The following MMEL1 variants were observed in gnomAD, a reference collection of about 807,000 sequenced individuals.
MMEL1 encodes the protein membrane metallo-endopeptidase-like 1.
A neutral mutation model predicts 117.1 loss-of-function variants in MMEL1; 98 were observed. The ratio of observed to expected loss-of-function variants is 0.84; its 90% CI spans 0.71 to 0.99. The LOEUF is 0.99. Among genes scored for constraint, MMEL1 ranks in the 50% least tolerant of loss-of-function variants. The pLI, the probability that MMEL1 is intolerant of heterozygous loss-of-function variation, is 0.00. For synonymous variants in MMEL1, 390 were observed against 415.1 expected, an observed-to-expected ratio of 0.94 and a Z score of 0.74; for missense variants, 1,014 against 1,049.1, an observed-to-expected ratio of 0.97 and a Z score of 0.46.
intron 6 of MMEL1, among the ~76,000 whole-genome samples, chr1:2,607,340 C>CG (rs913333403): frequency 1.3e-5 from 2 of 152,030 alleles, no homozygotes; most frequent in African/African-American, 2.4e-5. Flanking sequence ...ACATGAGCCC[C>CG]GGGGGACAAA....
chr1:2,598,834 G>A (rs754747933), intron 11 of MMEL1, 44 bp from the exon 12 acceptor site: 12 of 1,459,414 alleles, frequency 8.2e-6, no homozygotes, highest in South Asian at 3.6e-5. Context: ...AGAGAGAGAG[G>A]GAGAAACAGT....
intron 1 of MMEL1, chr1:2,632,618 C>A: frequency 5.4e-6 from 1 of 184,586 alleles, no homozygotes; most frequent in East Asian, 1.4e-4. Flanking sequence ...CTGCGGCTCC[C>A]TGGGGACACT....
In MMEL1 at chr1:2,596,585, C is replaced by T. The variant is rs371381022; in HGVS notation, c.1377G>A (p.Ala459=). The T allele has an allele frequency of 2.7e-5, 43 of 1,611,816 alleles. No individual in the cohort carries two copies. Among genetic ancestry groups the T allele is most frequent in the Non-Finnish European group, 3.0e-5 (35 of 1,179,790 alleles). The change falls in exon 14 of 24, where the codon GCG becomes GCA. Residue 459 remains alanine (A), a synonymous_variant. Transcript: ENST00000378412. Reference sequence around the variant, plus strand: ...CCATGCTCTTGCTGTCTCCAGGGAACGCCTCCCTGACGTAGAGGGAGCCCA... The same window carrying T: ...CCATGCTCTTGCTGTCTCCAGGGAATGCCTCCCTGACGTAGAGGGAGCCCA... ...NAVGSLYVRE[A]FPGDSKSMVR... is the part of the protein sequence containing the mutation.
rs769260060 is a variant in MMEL1 at position 2,591,891 on chromosome 1, G to A, written c.2163+41C>T. On this transcript the variant is annotated intron_variant, in intron 22 of 23. Transcript: ENST00000378412. Reference sequence around the variant, plus strand: ...AGAGTGGGCCCTCCAGAGATGAGTGGGGAAGCATGGGGATGGTGGGACCAG... The same window carrying A: ...AGAGTGGGCCCTCCAGAGATGAGTGAGGAAGCATGGGGATGGTGGGACCAG... The A allele has an allele frequency of 1.9e-6, 3 of 1,582,362 alleles. No individual in the cohort carries two copies. The South Asian group carries it at 3.3e-5, about 18-fold the overall frequency.
chr1:2,611,147 T>A (rs1406780563), intron 4 of MMEL1, 134 bp downstream of exon 4: 8 of 858,800 alleles, frequency 9.3e-6, no homozygotes, highest in Non-Finnish European at 1.4e-5. Context: ...CGAGTCCGAG[T>A]CCGGCCCACC....
intron 11 of MMEL1, among the ~76,000 whole-genome samples, chr1:2,601,614 T>C (rs1332920096): frequency 6.6e-6 from 1 of 152,082 alleles, no homozygotes; most frequent in African/African-American, 2.4e-5. Flanking sequence ...GAAACCCTTA[T>C]GAGAGTAAAA....
At chr1:2,632,819 C>G (rs1374770025) in intron 1 of MMEL1, 47 bp downstream of exon 1, 3 of 980,476 alleles carry the variant, frequency 3.1e-6, no homozygotes, top group Non-Finnish European at 3.6e-6. Context: ...GAGAGGGTTT[C>G]AAGGCCCAGG....
chr1:2,595,931 G>A lies in MMEL1; in HGVS notation c.1500+78C>T, dbSNP rs563754754. 2.0e-5 allele frequency: 26 copies of A among 1,298,280 alleles called. No individual in the cohort carries two copies. The African/African-American group carries it at 2.2e-4, about 11-fold the overall frequency. The allele number at this position is 1,298,280 out of a possible 1,614,324, so 80.4% of individuals were successfully genotyped here. A position where few individuals can be genotyped will look rare whatever the true frequency, so the allele number is the denominator to read the frequency against. ...GGGCTGCCTTCTCCCCGTGGGGACC[G>A]TCAGGAGGCTTTGTCGGGGCGGTGC... On this transcript the variant is annotated intron_variant, in intron 15 of 23. Coordinates refer to ENST00000378412, the MANE Select transcript of MMEL1 (RefSeq NM_033467.4). The surrounding 1 kb of genome is among the most constrained non-coding windows in gnomAD (Gnocchi z 4.8).
chr1:2,617,194 G>A (rs1397128866), intron 2 of MMEL1, among the ~76,000 whole-genome samples: 1 of 151,942 alleles, frequency 6.6e-6, no homozygotes, highest in Non-Finnish European at 1.5e-5. Context: ...TTGGGAGGCC[G>A]AGGCGGGCGG....
Position 2,594,384 on chromosome 1 carries a change from C to T in MMEL1, c.1747+1G>A. The T allele has an allele frequency of 2.6e-6, 4 of 1,551,878 alleles. No homozygotes were observed. The highest frequency in any genetic ancestry group is 2.6e-6 in the Non-Finnish European group (3 of 1,147,014). ...GCAGGCAGGGAGGGGGAGGAACTTA[C>T]CAATCTGGTTTCGGTTTGGGGAGTA... On this transcript the variant is annotated splice_donor_variant, in intron 18 of 23. Coordinates refer to ENST00000378412, the MANE Select transcript of MMEL1 (RefSeq NM_033467.4). LOFTEE classifies it high-confidence loss of function.
chr1:2,603,465 G>T (rs1373126884), intron 11 of MMEL1, among the ~76,000 whole-genome samples: 3 of 152,188 alleles, frequency 2.0e-5, no homozygotes, highest in Admixed American at 2.0e-4. Context: ...TGAGGGTGTG[G>T]CCAGGGGGAA....
intron 2 of MMEL1, among the ~76,000 whole-genome samples, chr1:2,623,982 T>C (rs1042635765): frequency 2.0e-5 from 3 of 152,034 alleles, no homozygotes; most frequent in Non-Finnish European, 2.9e-5. Flanking sequence ...CATCAAGCAG[T>C]CTCCTGCCTC....
chr1:2,611,181 T>TGA, intron 4 of MMEL1, 100 bp downstream of exon 4: 1 of 1,212,666 alleles, frequency 8.2e-7, no homozygotes, highest in East Asian at 2.8e-5. Context: ...CGCCGTGTCT[T>TGA]GGAGTTGCTT....
chr1:2,618,786 G>A (rs865779427), intron 2 of MMEL1, among the ~76,000 whole-genome samples: 1 of 152,158 alleles, frequency 6.6e-6, no homozygotes, highest in Non-Finnish European at 1.5e-5. Flanking sequence ...ATTTGAATAT[G>A]TATTTACATT....
intron 11 of MMEL1, among the ~76,000 whole-genome samples, chr1:2,601,479 G>C (rs1382188385): frequency 1.3e-5 from 2 of 152,132 alleles, no homozygotes; most frequent in Non-Finnish European, 2.9e-5. Context: ...GTAGACCTAA[G>C]CAAACCTGAG....
Position 2,597,513 on chromosome 1 carries a change from G to A in MMEL1, c.1272+694C>T, listed in dbSNP as rs550610098. 1.7e-3 allele frequency among the ~76,000 whole-genome samples: 253 copies of A among 152,162 alleles called. 1 individual carries two copies. Among genetic ancestry groups the A allele is most frequent in the African/African-American group, 6.0e-3 (249 of 41,498 alleles). Reference sequence around the variant, plus strand: ...CTGCTGCGGTCAACACCTCCCCTGCGTCTGTGTGTCTGCCAGCACCATGGC... The same window carrying A: ...CTGCTGCGGTCAACACCTCCCCTGCATCTGTGTGTCTGCCAGCACCATGGC... On this transcript the variant is annotated intron_variant, in intron 13 of 23. Coordinates refer to ENST00000378412, the MANE Select transcript of MMEL1 (RefSeq NM_033467.4).
At chr1:2,610,857 C>T (rs1049121004) in intron 4 of MMEL1, among the ~76,000 whole-genome samples, 2 of 152,192 alleles carry the variant, frequency 1.3e-5, no homozygotes, top group East Asian at 1.9e-4. Flanking sequence ...AAGCCACAGT[C>T]CAGAGCTTCT....
intron 3 of MMEL1, among the ~76,000 whole-genome samples, chr1:2,611,754 C>T (rs1049748784): frequency 6.6e-6 from 1 of 152,232 alleles, no homozygotes; most frequent in African/African-American, 2.4e-5. Context: ...CTGAAGCCGG[C>T]CATTCTGCCC....
At chr1:2,629,698 T>G in intron 1 of MMEL1, 177 bp from the exon 2 acceptor site, 8 of 524,856 alleles carry the variant, frequency 1.5e-5, no homozygotes, top group Non-Finnish European at 1.6e-5. Context: ...CTTTCCACAC[T>G]ACCCCTGGGC....
Sources: allele counts gnomAD v4.1 joint callset (sites outside exome capture counted in the v4.1 genomes callset), GRCh38; gene constraint gnomAD v4.1.1; non-coding constraint Gnocchi (gnomAD v3.1); transcripts MANE v1.5; gene names NCBI Gene and HGNC (gene_info 2026-07-23, HGNC 2026-07-21).